The following FERMT2 variants were observed in gnomAD, a reference collection of about 807,000 sequenced individuals.
FERMT2 encodes the protein fermitin family homolog 2.
A neutral mutation model predicts 82.7 loss-of-function variants in FERMT2; 15 were observed. That is an observed-to-expected ratio of 0.18 (90% CI 0.12 to 0.28). The LOEUF (loss-of-function observed/expected upper bound fraction) is 0.28. FERMT2 is among the 10% of genes least tolerant of loss of function. The probability of loss-of-function intolerance (pLI) is 1.00; values close to 1 mark genes in which losing one functional copy is unlikely to be tolerated. For synonymous variants in FERMT2, 274 were observed against 271.5 expected, an observed-to-expected ratio of 1.01 and a Z score of -0.09; for missense variants, 645 against 809.4, an observed-to-expected ratio of 0.80 and a Z score of 2.46.
At chr14:52,867,721 TC>T (rs1885371423) in intron 10 of FERMT2, among the ~76,000 whole-genome samples, 1 of 152,092 alleles carries the variant, frequency 6.6e-6, no homozygotes, top group Non-Finnish European at 1.5e-5. Context: ...ATTCAAAATA[TC>T]CCCAAATTAA....
chr14:52,875,460 G>A lies in FERMT2; in HGVS notation c.964-103C>T. ...TTTAATGCTTTTCAGGACCTAATTT[G>A]AAAAGACAGAAGCGTCTAGGAACTA... On this transcript the variant is annotated intron_variant, in intron 7 of 14. Transcript: ENST00000341590. 3 of 784,582 alleles carry A rather than the reference G, an allele frequency of 3.8e-6. No individual in the cohort carries two copies. The East Asian group carries it at 8.4e-5, about 22-fold the overall frequency. 48.6% of individuals were successfully genotyped at this position (784,582 alleles called of 1,614,324 possible).
chr14:52,858,834 C>G (rs74322721), intron 14 of FERMT2: 7,737 of 270,434 alleles, frequency 0.029, 193 homozygotes, highest in Non-Finnish European at 0.042. Context: ...GTGATTGATT[C>G]AATTAATGAG....
chr14:52,907,283 T>C (rs1888070171), intron 3 of FERMT2, among the ~76,000 whole-genome samples: 1 of 152,052 alleles, frequency 6.6e-6, no homozygotes, highest in South Asian at 2.1e-4. Flanking sequence ...TGGGACTACA[T>C]GTAGGCATGA....
At position 52,917,271 on chromosome 14, in the gene FERMT2, C is replaced by CGTGT. The variant is rs150322009; in HGVS notation, c.391+1848_391+1851dup. On this transcript the variant is annotated intron_variant, in intron 3 of 14. Transcript: ENST00000341590. ...TTATGGATATATACACACAGAGATACGTGTGTGTGTGTGTGTGTGTGTGTA... is the reference window on the plus strand; with the variant it reads ...TTATGGATATATACACACAGAGATACGTGTGTGTGTGTGTGTGTGTGTGTGTGTA... Among the ~76,000 whole-genome samples the CGTGT allele has an allele frequency of 7.0e-3, 1,033 of 147,642 alleles. 12 individuals carry two copies. The highest frequency in any genetic ancestry group is 0.019 in the African/African-American group (784 of 40,314).
intron 4 of FERMT2, among the ~76,000 whole-genome samples, chr14:52,882,383 AG>A (rs1343029723): frequency 6.6e-6 from 1 of 152,194 alleles, no homozygotes; most frequent in East Asian, 1.9e-4. Flanking sequence ...TCTTAGTATT[AG>A]GGCTAGACAT....
At position 52,919,229 on chromosome 14, in the gene FERMT2, C is replaced by G. The variant is rs1237055075; in HGVS notation, c.285G>C (p.Gln95His). The change falls in exon 3 of 15, where the codon CAG (glutamine) becomes CAC (histidine). Residue 95 changes from glutamine (Q) to histidine (H), a missense_variant. Physicochemically the swap from Gln to His is conservative, Grantham distance 24. Coordinates refer to ENST00000341590, the MANE Select transcript of FERMT2 (RefSeq NM_006832.3). ...QADAKLQFTPQHKLLRLQLPN... is the reference protein window; with the variant it reads ...QADAKLQFTPHHKLLRLQLPN... ...GAAGCTGCAGGCGGAGCAGTTTGTGCTGAGGGGTGAACTGAAGCTTAGCAT... is the reference window on the plus strand; with the variant it reads ...GAAGCTGCAGGCGGAGCAGTTTGTGGTGAGGGGTGAACTGAAGCTTAGCAT... 3 of 1,613,952 alleles carry G rather than the reference C, an allele frequency of 1.9e-6. No individual in the cohort carries two copies. The highest frequency in any genetic ancestry group is 2.5e-6 in the Non-Finnish European group (3 of 1,179,986).
intron 2 of FERMT2, among the ~76,000 whole-genome samples, chr14:52,931,513 A>T (rs1889567622): frequency 6.6e-6 from 1 of 152,184 alleles, no homozygotes; most frequent in Admixed American, 6.5e-5. Context: ...CATAAGGCAG[A>T]AGGTGAAGAG....
At chr14:52,904,783 G>C (rs1384049586) in intron 3 of FERMT2, among the ~76,000 whole-genome samples, 2 of 146,534 alleles carry the variant, frequency 1.4e-5, no homozygotes, top group African/African-American at 2.5e-5. Flanking sequence ...AAAGGCATAC[G>C]AGACAGGAAA....
intron 2 of FERMT2, among the ~76,000 whole-genome samples, chr14:52,943,455 C>T (rs559828665): frequency 6.6e-6 from 1 of 151,982 alleles, no homozygotes; most frequent in African/African-American, 2.4e-5. Context: ...ATTAAGAGGC[C>T]CTTTCAACTA....
chr14:52,891,820 G>GC (rs1886947080), intron 4 of FERMT2, among the ~76,000 whole-genome samples: 1 of 152,170 alleles, frequency 6.6e-6, no homozygotes, highest in Non-Finnish European at 1.5e-5. Flanking sequence ...CCAGGTATAT[G>GC]CCCACGATTA....
At chr14:52,889,456 G>A (rs111968131) in intron 4 of FERMT2, among the ~76,000 whole-genome samples, 1 of 152,322 alleles carries the variant, frequency 6.6e-6, no homozygotes, top group African/African-American at 2.4e-5. Flanking sequence ...GGGAAGCCAA[G>A]ATTGGGGAGT....
chr14:52,933,724 AAAAAAAAAAAAAAG>A (rs1182728510), intron 2 of FERMT2, among the ~76,000 whole-genome samples: 5 of 149,370 alleles, frequency 3.3e-5, no homozygotes, highest in Non-Finnish European at 5.9e-5. Flanking sequence ...AAAAAAAAAA[AAAAAAAAAAAAAAG>A]GGAAAAGAAA....
intron 2 of FERMT2, among the ~76,000 whole-genome samples, chr14:52,922,519 G>A (rs192607948): frequency 6.6e-6 from 1 of 152,150 alleles, no homozygotes; most frequent in African/African-American, 2.4e-5. Flanking sequence ...TAGAAGCAGG[G>A]CGCTGCAAAG....
intron 9 of FERMT2, 152 bp from the exon 10 acceptor site, chr14:52,873,075 G>T: frequency 1.5e-6 from 1 of 660,070 alleles, no homozygotes; most frequent in Non-Finnish European, 2.5e-6. Context: ...ATTAGTCAGT[G>T]CTACTGTTAC....
chr14:52,887,708 C>G (rs546955169), intron 4 of FERMT2, among the ~76,000 whole-genome samples: 2 of 151,984 alleles, frequency 1.3e-5, no homozygotes, highest in African/African-American at 4.8e-5. Context: ...GCATGAGCAC[C>G]GGAGCCTGGA....
chr14:52,894,890 A>T (rs1395124708), intron 3 of FERMT2, among the ~76,000 whole-genome samples: 2 of 146,046 alleles, frequency 1.4e-5, no homozygotes, highest in African/African-American at 2.5e-5. Flanking sequence ...TAAAAATAAA[A>T]AAAAAAAAAA....
chr14:52,881,457 G>A lies in FERMT2; in HGVS notation c.539C>T (p.Ser180Leu). The change falls in exon 5 of 15, where the codon TCA becomes TTA. Residue 180 changes from serine (S) to leucine (L), a missense_variant. Physicochemically the swap from Ser to Leu is moderately radical, Grantham distance 145 (BLOSUM62 -2). Transcript: ENST00000341590. ...TGTTTTACTATACAGTCCTGGGCTT[G>A]AATATATACTTCCTAATAAGTAACA... ...LITPGSGSIY[S>L]SPGLYSKTMT... 1 of 1,607,204 alleles carries A rather than the reference G, an allele frequency of 6.2e-7. No homozygotes were observed.
At chr14:52,864,257 G>A (rs1027118672) in intron 12 of FERMT2, 144 bp downstream of exon 12, 7 of 615,348 alleles carry the variant, frequency 1.1e-5, no homozygotes, top group Non-Finnish European at 1.7e-5. Context: ...TTCAGATTAG[G>A]GATACTCTAA....
intron 13 of FERMT2, chr14:52,859,968 C>G (rs1594921163): frequency 3.6e-6 from 1 of 277,344 alleles, no homozygotes; most frequent in South Asian, 9.6e-5. Flanking sequence ...CAGGCGCCCA[C>G]CACCATGCCC....
Sources: allele counts gnomAD v4.1 joint callset (sites outside exome capture counted in the v4.1 genomes callset), GRCh38; gene constraint gnomAD v4.1.1; transcripts MANE v1.5; gene names NCBI Gene and HGNC (gene_info 2026-07-23, HGNC 2026-07-21).